MAP2K5: variants seen among roughly 807,000 people sequenced by gnomAD.
MAP2K5 encodes mitogen-activated protein kinase kinase 5.
Under a neutral mutation model 83.1 loss-of-function variants are expected in MAP2K5, and 49 were observed. That is an observed-to-expected ratio of 0.59 (90% CI 0.47 to 0.75). The LOEUF (loss-of-function observed/expected upper bound fraction) is 0.75. Among genes scored for constraint, MAP2K5 ranks in the 30% least tolerant of loss-of-function variants. The probability of loss-of-function intolerance (pLI) is 0.00; values close to 1 mark genes in which losing one functional copy is unlikely to be tolerated. For synonymous variants in MAP2K5, 202 were observed against 191.8 expected (o/e 1.05, Z -0.44); for missense variants, 457 against 557.5 (o/e 0.82, Z 1.82).
chr15:67,744,986 CCT>C (rs940350818), intron 17 of MAP2K5, among the ~76,000 whole-genome samples: 22 of 152,176 alleles, frequency 1.4e-4, no homozygotes, highest in African/African-American at 3.6e-4. Flanking sequence ...GTAACTATCC[CCT>C]GTTAGTGTGG....
In MAP2K5 at chr15:67,786,447, T is replaced by C. The variant is rs2090419385; in HGVS notation, c.1242+13695T>C. 6.6e-6 allele frequency among the ~76,000 whole-genome samples: 1 copy of C among 152,200 alleles called. No homozygotes were observed. The highest frequency in any genetic ancestry group is 2.4e-5 in the African/African-American group (1 of 41,466). On this transcript the variant is annotated intron_variant, in intron 21 of 21. Coordinates refer to ENST00000178640, the MANE Select transcript of MAP2K5 (RefSeq NM_145160.3). The surrounding 1 kb of genome is among the most constrained non-coding windows in gnomAD (Gnocchi z 4.7). ...AACAAGTATTTGTTGTCCAGGTCTG[T>C]GAGGTGCCATGATGGGTTCAGAAAG...
At chr15:67,721,136 G>A (rs978053255) in intron 16 of MAP2K5, among the ~76,000 whole-genome samples, 17 of 151,644 alleles carry the variant, frequency 1.1e-4, no homozygotes, top group Admixed American at 2.0e-4. Context: ...ACATTTGTTC[G>A]TTTTTTGTTT....
At chr15:67,597,581 A>G (rs561523046) in intron 7 of MAP2K5, among the ~76,000 whole-genome samples, 1 of 152,254 alleles carries the variant, frequency 6.6e-6, no homozygotes, top group Non-Finnish European at 1.5e-5. Context: ...ATAAGCTTCT[A>G]AATAGCACTT....
chr15:67,734,669 T>C (rs2089299012), intron 17 of MAP2K5, among the ~76,000 whole-genome samples: 2 of 152,216 alleles, frequency 1.3e-5, no homozygotes, highest in Admixed American at 1.3e-4. Flanking sequence ...ATCTTATTTA[T>C]GTTTACTGAT....
chr15:67,555,558 A>G lies in MAP2K5; in HGVS notation c.184+5476A>G, dbSNP rs557131909. Among the ~76,000 whole-genome samples, 13 of 152,308 alleles carry G rather than the reference A, an allele frequency of 8.5e-5. No individual in the cohort carries two copies. The highest frequency in any genetic ancestry group is 1.9e-4 in the East Asian group (1 of 5,182). On this transcript the variant is annotated intron_variant, in intron 2 of 21. Transcript: ENST00000178640. The surrounding 1 kb of genome is among the most constrained non-coding windows in gnomAD (Gnocchi z 5.2). ...TACCCATATTTAAATTTCAATATCTATTACTGTGTTTGCTCACCAAAAGGT... is the reference window on the plus strand; with the variant it reads ...TACCCATATTTAAATTTCAATATCTGTTACTGTGTTTGCTCACCAAAAGGT...
chr15:67,671,648 G>A (rs918637858), intron 13 of MAP2K5, among the ~76,000 whole-genome samples: 8 of 148,294 alleles, frequency 5.4e-5, no homozygotes, highest in African/African-American at 1.5e-4. Flanking sequence ...GCAAGAACAC[G>A]TTTTTTTTTC....
Position 67,664,622 on chromosome 15 carries a change from G to A in MAP2K5, c.824G>A (p.Trp275Ter). 1 of 1,599,472 alleles carries A rather than the reference G, an allele frequency of 6.3e-7. No individual in the cohort carries two copies. The highest frequency in any genetic ancestry group is 8.6e-7 in the Non-Finnish European group (1 of 1,167,188). ...GTTGTTAAAGGCCTTACTTATTTGT[G>A]GAGTTTAAAGATTTTACATAGAGGT... ...VAVVKGLTYL[W>*]SLKILHRDVK... Residue 275 changes from tryptophan (W) to a stop codon, truncating the protein, a stop_gained, in exon 13 of 22, where the codon TGG becomes TAG. Transcript: ENST00000178640. LOFTEE classifies it high-confidence loss of function.
chr15:67,788,601 A>G (rs1319867917), intron 21 of MAP2K5, among the ~76,000 whole-genome samples: 1 of 152,208 alleles, frequency 6.6e-6, no homozygotes, highest in Non-Finnish European at 1.5e-5. Flanking sequence ...TTAATATAGT[A>G]GTTGGAAAAT....
At chr15:67,607,723 CATTT>C (rs1181206349) in intron 8 of MAP2K5, among the ~76,000 whole-genome samples, 3 of 152,124 alleles carry the variant, frequency 2.0e-5, no homozygotes, top group Non-Finnish European at 4.4e-5. Flanking sequence ...TTAAAAATCT[CATTT>C]ATTTAGCCTT....
In MAP2K5 at chr15:67,652,179, C is replaced by T. The variant is rs1247636391; in HGVS notation, c.736+5710C>T. ...TTCTTTAAACATTTGATAGAATTCA[C>T]CAGTGAAATCATCTGGTTCTGAGGT... On this transcript the variant is annotated intron_variant, in intron 11 of 21. Transcript: ENST00000178640. This position sits in a 1 kb window ranked among gnomAD's most constrained non-coding sequence, Gnocchi z 4.2. Among the ~76,000 whole-genome samples the T allele has an allele frequency of 6.6e-6, 1 of 152,066 alleles. No individual in the cohort carries two copies. Among genetic ancestry groups the T allele is most frequent in the African/African-American group, 2.4e-5 (1 of 41,394 alleles).
At chr15:67,630,377 A>G (rs1223814660) in intron 8 of MAP2K5, among the ~76,000 whole-genome samples, 1 of 152,172 alleles carries the variant, frequency 6.6e-6, no homozygotes, top group Non-Finnish European at 1.5e-5. Context: ...ATTTCACTAT[A>G]TCTGTTACTT....
At chr15:67,804,259 G>C (rs945976910) in intron 21 of MAP2K5, among the ~76,000 whole-genome samples, 2 of 152,226 alleles carry the variant, frequency 1.3e-5, no homozygotes, top group Non-Finnish European at 2.9e-5. Context: ...CAAGTCCACA[G>C]TGCACAGCCT....
chr15:67,696,002 A>C (rs2088243361), intron 15 of MAP2K5, among the ~76,000 whole-genome samples: 1 of 152,060 alleles, frequency 6.6e-6, no homozygotes, highest in Admixed American at 6.5e-5. Flanking sequence ...CTTATTGGCC[A>C]AGTGCTCACC....
intron 10 of MAP2K5, 38 bp downstream of exon 10, chr15:67,646,337 A>G (rs777449994): frequency 1.1e-5 from 15 of 1,394,928 alleles, no homozygotes; most frequent in African/African-American, 4.3e-5. Context: ...AAGCATGCCT[A>G]TGGTATTGAC....
chr15:67,612,860 C>G (rs2085960521), intron 8 of MAP2K5, among the ~76,000 whole-genome samples: 2 of 152,152 alleles, frequency 1.3e-5, no homozygotes, highest in South Asian at 4.1e-4. Context: ...GCCAATGAGC[C>G]CCTTTAGACA....
At chr15:67,649,972 C>G (rs1016684512) in intron 11 of MAP2K5, among the ~76,000 whole-genome samples, 3 of 152,130 alleles carry the variant, frequency 2.0e-5, no homozygotes, top group Non-Finnish European at 2.9e-5. Context: ...TCTTCCACTC[C>G]GTGAACACAG....
rs1052342655 is a variant in MAP2K5 at position 67,777,805 on chromosome 15, A to G, written c.1242+5053A>G. Among the ~76,000 whole-genome samples the G allele has an allele frequency of 3.3e-5, 5 of 152,244 alleles. No individual in the cohort carries two copies. Among genetic ancestry groups the G allele is most frequent in the African/African-American group, 9.6e-5 (4 of 41,468 alleles). On this transcript the variant is annotated intron_variant, in intron 21 of 21. Coordinates refer to ENST00000178640, the MANE Select transcript of MAP2K5 (RefSeq NM_145160.3). This position sits in a 1 kb window ranked among gnomAD's most constrained non-coding sequence, Gnocchi z 6.0. ...TGTTATTTTGTGCATCTCCTTGTACATTCCAGAGTAGGACATCCTTTAAAG... is the reference window on the plus strand; with the variant it reads ...TGTTATTTTGTGCATCTCCTTGTACGTTCCAGAGTAGGACATCCTTTAAAG...
At chr15:67,685,350 A>G (rs2087927574) in intron 13 of MAP2K5, among the ~76,000 whole-genome samples, 1 of 152,216 alleles carries the variant, frequency 6.6e-6, no homozygotes, top group African/African-American at 2.4e-5. Context: ...GTGCCCAGCA[A>G]ATACATTTTC....
chr15:67,772,090 T>G lies in MAP2K5; in HGVS notation c.1197-617T>G, dbSNP rs778512953. On this transcript the variant is annotated intron_variant, in intron 20 of 21. Transcript: ENST00000178640. Reference sequence around the variant, plus strand: ...ATTCTTTAAGCAGCTTAAACAAATTTAGCTGTCCCACAGCGGTTTAATGAA... The same window carrying G: ...ATTCTTTAAGCAGCTTAAACAAATTGAGCTGTCCCACAGCGGTTTAATGAA... Among the ~76,000 whole-genome samples, 5 of 152,366 alleles carry G rather than the reference T, an allele frequency of 3.3e-5. No homozygotes were observed. In the East Asian group the frequency reaches 9.6e-4, roughly 29 times the overall value.
Sources: gnomAD v4.1 joint callset for allele counts (sites outside exome capture counted in the v4.1 genomes callset) on GRCh38, gnomAD v4.1.1 for gene constraint, Gnocchi (gnomAD v3.1) non-coding constraint, MANE v1.5 for transcripts, NCBI Gene and HGNC (gene_info 2026-07-23, HGNC 2026-07-21) for gene names.